TSPAN14: variants seen among roughly 807,000 people sequenced by gnomAD.
TSPAN14 encodes the protein tetraspanin-14.
TSPAN14 carries 16 observed loss-of-function variants against 36.6 expected under a neutral mutation model. The observed-to-expected ratio is 0.44, with a 90% CI of 0.30 to 0.66. The LOEUF (loss-of-function observed/expected upper bound fraction) is 0.66. Among genes scored for constraint, TSPAN14 ranks in the 30% least tolerant of loss-of-function variants. The pLI is 0.12. For synonymous variants in TSPAN14, 139 were observed against 143.8 expected (o/e 0.97, Z 0.24); for missense variants, 231 against 355.1 (o/e 0.65, Z 2.81).
chr10:80,512,991 C>G (rs184177229), intron 6 of TSPAN14, among the ~76,000 whole-genome samples: 2 of 152,152 alleles, frequency 1.3e-5, no homozygotes, highest in Non-Finnish European at 2.9e-5. Context: ...ATTGCTTCCC[C>G]GGGCTCAAGC....
At chr10:80,502,060 A>G (rs1335892751) in intron 2 of TSPAN14, among the ~76,000 whole-genome samples, 1 of 152,184 alleles carries the variant, frequency 6.6e-6, no homozygotes, top group Non-Finnish European at 1.5e-5. Flanking sequence ...GAGCAGTTCC[A>G]CTCAGGGTGG....
At chr10:80,511,829 G>T (rs1422488167) in intron 5 of TSPAN14, among the ~76,000 whole-genome samples, 1 of 136,632 alleles carries the variant, frequency 7.3e-6, no homozygotes, top group South Asian at 2.2e-4. Context: ...CTTTCTTTCT[G>T]ATTGGGGGTG....
intron 3 of TSPAN14, among the ~76,000 whole-genome samples, chr10:80,505,119 A>G (rs1379346405): frequency 6.6e-6 from 1 of 152,202 alleles, no homozygotes; most frequent in Non-Finnish European, 1.5e-5. Context: ...GAATACAGGC[A>G]TGCTTATTGT....
intron 2 of TSPAN14, among the ~76,000 whole-genome samples, chr10:80,502,204 G>A (rs137856614): frequency 1.6e-4 from 24 of 152,318 alleles, no homozygotes; most frequent in African/African-American, 5.5e-4. Flanking sequence ...AAGAATGTCA[G>A]GGTGGCCCAG....
intron 2 of TSPAN14, among the ~76,000 whole-genome samples, chr10:80,495,353 GTGTGTGTGTGTGTGTGTGTGTGTGTA>G (rs1387789326): frequency 2.7e-5 from 3 of 111,318 alleles, no homozygotes; most frequent in African/African-American, 9.2e-5. Context: ...GTGTGTGTGT[GTGTGTGTGTGTGTGTGTGTGTGTGTA>G]TGTACATGTG....
Position 80,489,198 on chromosome 10 carries a change from G to A in TSPAN14, c.-17-19G>A, listed in dbSNP as rs193166043. On this transcript the variant is annotated intron_variant, in intron 1 of 8. Transcript: ENST00000429989. ...TAACGCTGAGCCTGCCATCTCACTA[G>A]TCACACATCTCTCCGCAGATTCTGC... The A allele has an allele frequency of 1.5e-5, 23 of 1,525,318 alleles. No individual in the cohort carries two copies. Among genetic ancestry groups the A allele is most frequent in the Non-Finnish European group, 1.9e-5 (21 of 1,120,546 alleles). The allele number at this position is 1,525,318 out of a possible 1,614,324, so 94.5% of individuals were successfully genotyped here.
At chr10:80,516,307 C>T (rs758935063) in exon 8 of TSPAN14, 2 of 1,614,254 alleles carry the variant, frequency 1.2e-6, no homozygotes, top group Non-Finnish European at 1.7e-6. Context: ...GTCTTCATCG[C>T]CATCTCGCTG....
At position 80,515,975 on chromosome 10, in the gene TSPAN14, A is replaced by C. The variant is rs2132067174; in HGVS notation, c.622-229A>C. On this transcript the variant is annotated intron_variant, in intron 7 of 8. Transcript: ENST00000429989. ...TTAAATCTCTGGAGACCTGAAAGGA[A>C]ACAGCCAGGGAGCCTTTGGTCAGAC... 4 of 557,728 alleles carry C rather than the reference A, an allele frequency of 7.2e-6. No homozygotes were observed. The South Asian group carries it at 1.1e-4, about 15-fold the overall frequency. 34.5% of individuals were successfully genotyped at this position (557,728 alleles called of 1,614,324 possible).
At chr10:80,517,880 C>A in intron 8 of TSPAN14, 25 bp from the exon 9 acceptor site, 1 of 1,555,226 alleles carries the variant, frequency 6.4e-7, no homozygotes, top group Non-Finnish European at 8.7e-7. Flanking sequence ...GCAATGGCCG[C>A]TGACTCTGCT....
At chr10:80,485,183 GTTC>G (rs1847519463) in intron 1 of TSPAN14, among the ~76,000 whole-genome samples, 2 of 148,022 alleles carry the variant, frequency 1.4e-5, no homozygotes, top group South Asian at 4.3e-4. Flanking sequence ...TTTTAGGAAG[GTTC>G]TTAGTCATGC....
At chr10:80,473,958 C>T (rs1357200599) in intron 1 of TSPAN14, among the ~76,000 whole-genome samples, 1 of 152,050 alleles carries the variant, frequency 6.6e-6, no homozygotes, top group African/African-American at 2.4e-5. Flanking sequence ...ATTCTCTCTC[C>T]TACTGGGGCC....
At chr10:80,474,020 G>C (rs1846712635) in intron 1 of TSPAN14, among the ~76,000 whole-genome samples, 1 of 152,124 alleles carries the variant, frequency 6.6e-6, no homozygotes, top group Admixed American at 6.5e-5. Context: ...CCCTGGGCCT[G>C]CCTGTTCCTT....
exon 2 of TSPAN14, chr10:80,489,281 G>A: frequency 6.3e-7 from 1 of 1,583,796 alleles, no homozygotes; most frequent in Non-Finnish European, 8.6e-7. Flanking sequence ...GCTGGTACAA[G>A]TACCTCCTTT....
exon 9 of TSPAN14, chr10:80,520,297 A>G (rs1214148996): frequency 7.0e-6 from 2 of 287,694 alleles, no homozygotes; most frequent in Non-Finnish European, 1.4e-5. Flanking sequence ...TTTCAACTAT[A>G]GACCCTTCTG....
chr10:80,471,358 GCCACA>G (rs1456202447), intron 1 of TSPAN14, among the ~76,000 whole-genome samples: 1 of 152,010 alleles, frequency 6.6e-6, no homozygotes, highest in Non-Finnish European at 1.5e-5. Flanking sequence ...ATCTAGGGAG[GCCACA>G]GGGCCCAGCC....
chr10:80,509,671 T>G lies in TSPAN14; in HGVS notation c.450+200T>G. ...TTGTGGTTGCCTGGTGGGCCAGCCC[T>G]TTCCCATTGGGATTGGGCAGGCAAG... On this transcript the variant is annotated intron_variant, in intron 5 of 8. Transcript: ENST00000429989. This position sits in a 1 kb window ranked among gnomAD's most constrained non-coding sequence, Gnocchi z 4.7. 1.7e-6 allele frequency: 1 copy of G among 599,094 alleles called. No individual in the cohort carries two copies. The highest frequency in any genetic ancestry group is 2.9e-6 in the Non-Finnish European group (1 of 350,740). The allele number at this position is 599,094 out of a possible 1,614,324, so 37.1% of individuals were successfully genotyped here. A position where few individuals can be genotyped will look rare whatever the true frequency, so the allele number is the denominator to read the frequency against.
exon 9 of TSPAN14, chr10:80,520,845 C>T (rs764975323): frequency 1.9e-6 from 1 of 531,982 alleles, no homozygotes; most frequent in East Asian, 5.5e-5. Context: ...ACTGCACCTC[C>T]TGAATGTCCT....
At chr10:80,467,663 C>T (rs756266981) in intron 1 of TSPAN14, among the ~76,000 whole-genome samples, 8 of 152,118 alleles carry the variant, frequency 5.3e-5, no homozygotes, top group Non-Finnish European at 8.8e-5. Flanking sequence ...AACAAAGAGC[C>T]CCTCTTTTCC....
chr10:80,480,594 G>A (rs964016937), intron 1 of TSPAN14, among the ~76,000 whole-genome samples: 47 of 152,298 alleles, frequency 3.1e-4, no homozygotes, highest in African/African-American at 1.1e-3. Context: ...GGAATACTAT[G>A]CAGCCATAAA....
Sources: gnomAD v4.1 joint callset for allele counts (sites outside exome capture counted in the v4.1 genomes callset) on GRCh38, gnomAD v4.1.1 for gene constraint, Gnocchi (gnomAD v3.1) non-coding constraint, MANE v1.5 for transcripts, NCBI Gene and HGNC (gene_info 2026-07-23, HGNC 2026-07-21) for gene names.